SMYD1: variants seen among roughly 807,000 people sequenced by gnomAD.
The protein encoded by SMYD1 is SET and MYND domain containing 1.
Under a neutral mutation model 54.0 loss-of-function variants are expected in SMYD1, and 49 were observed. That is an observed-to-expected ratio of 0.91 (90% CI 0.72 to 1.15). The LOEUF is 1.15. Among genes scored for constraint, SMYD1 ranks in the 50% most tolerant of loss-of-function variants. The pLI is 0.00. For missense variants in SMYD1, 653 were observed against 639.6 expected, an observed-to-expected ratio of 1.02 and a Z score of -0.23; for synonymous variants, 269 against 234.2, an observed-to-expected ratio of 1.15 and a Z score of -1.36.
chr2:88,068,727 A>G (rs1673885905), intron 1 of SMYD1, among the ~76,000 whole-genome samples: 1 of 151,926 alleles, frequency 6.6e-6, no homozygotes, highest in Non-Finnish European at 1.5e-5. Context: ...TTAAATCTAT[A>G]GATACTTCTT....
chr2:88,099,870 G>A (rs62156971), intron 6 of SMYD1, among the ~76,000 whole-genome samples: 22 of 143,948 alleles, frequency 1.5e-4, no homozygotes, highest in Non-Finnish European at 2.9e-4. Flanking sequence ...CTCCTCCCGC[G>A]TTCATCTGGC....
intron 1 of SMYD1, among the ~76,000 whole-genome samples, chr2:88,068,557 G>A (rs1673880706): frequency 6.7e-6 from 1 of 150,212 alleles, no homozygotes; most frequent in African/African-American, 2.4e-5. Context: ...ATGTTCCTGT[G>A]CTATTACATA....
chr2:88,084,938 T>C (rs984472360), intron 2 of SMYD1, among the ~76,000 whole-genome samples: 2 of 152,006 alleles, frequency 1.3e-5, no homozygotes, highest in East Asian at 3.9e-4. Context: ...TTTTTAGAGA[T>C]GGGGTTTTAT....
Position 88,084,424 on chromosome 2 carries a change from T to G in SMYD1, c.246T>G (p.Ala82=). Residue 82 remains alanine (A), a synonymous_variant, in exon 2 of 10, where the codon GCT becomes GCG. Coordinates refer to ENST00000419482, the MANE Select transcript of SMYD1 (RefSeq NM_198274.4). Reference sequence around the variant, plus strand: ...GCGACCGCACCTGCCAGAAGGATGCTTGGCTGAACCACAAGAATGAATGTT... The same window carrying G: ...GCGACCGCACCTGCCAGAAGGATGCGTGGCTGAACCACAAGAATGAATGTT... ...HYCDRTCQKD[A]WLNHKNECSA... The G allele has an allele frequency of 6.2e-7, 1 of 1,608,298 alleles. No homozygotes were observed. The highest frequency in any genetic ancestry group is 8.5e-7 in the Non-Finnish European group (1 of 1,175,312).
At position 88,096,586 on chromosome 2, in the gene SMYD1, C is replaced by T; in HGVS notation, c.699-9C>T. On this transcript the variant is annotated splice_polypyrimidine_tract_variant and intron_variant, in intron 5 of 9. Transcript: ENST00000419482. ...ATTCGATTCACCTTTTCCTTTCACC[C>T]TGCTTCAGAATTGAGCTCCGGGCCC... 1 of 1,604,384 alleles carries T rather than the reference C, an allele frequency of 6.2e-7. No individual in the cohort carries two copies. The highest frequency in any genetic ancestry group is 8.5e-7 in the Non-Finnish European group (1 of 1,174,330).
chr2:88,108,443 TGGTAACATTGA>T lies in SMYD1; in HGVS notation c.1222_1232del (p.Asn408GlyfsTer24). ...GGGCAGGGCTGACCAACTGGCATGC[TGGTAACATTGA>T]GGTGGGGCACGGGATGATCTGCAAA... On this transcript the variant is annotated frameshift_variant, in exon 9 of 10. Coordinates refer to ENST00000419482, the MANE Select transcript of SMYD1 (RefSeq NM_198274.4). LOFTEE classifies it high-confidence loss of function. The T allele has an allele frequency of 6.2e-7, 1 of 1,613,076 alleles. No individual in the cohort carries two copies. The highest frequency in any genetic ancestry group is 8.5e-7 in the Non-Finnish European group (1 of 1,179,574).
intron 9 of SMYD1, among the ~76,000 whole-genome samples, 148 bp from the exon 10 acceptor site, chr2:88,110,200 AGTGTGT>A (rs3222709): frequency 2.9e-5 from 4 of 138,988 alleles, no homozygotes; most frequent in African/African-American, 1.1e-4. Flanking sequence ...TTGATGAATG[AGTGTGT>A]GTGTGTGTGT....
At chr2:88,108,910 TG>T (rs1415478247) in intron 9 of SMYD1, among the ~76,000 whole-genome samples, 1 of 151,944 alleles carries the variant, frequency 6.6e-6, no homozygotes, top group Non-Finnish European at 1.5e-5. Context: ...GAGGCAGAGG[TG>T]CCAGGCTTTT....
intron 7 of SMYD1, among the ~76,000 whole-genome samples, chr2:88,103,431 T>G (rs1363095587): frequency 6.6e-6 from 1 of 152,144 alleles, no homozygotes; most frequent in Admixed American, 6.5e-5. Context: ...CTGTGATAGC[T>G]AAACCTGGTA....
rs777596206 is a variant in SMYD1 at position 88,091,003 on chromosome 2, C to T, written c.529-9C>T. The T allele has an allele frequency of 1.2e-6, 2 of 1,610,792 alleles. No homozygotes were observed. The highest frequency in any genetic ancestry group is 2.2e-5 in the South Asian group (2 of 90,672). On this transcript the variant is annotated splice_polypyrimidine_tract_variant and intron_variant, in intron 3 of 9. Coordinates refer to ENST00000419482, the MANE Select transcript of SMYD1 (RefSeq NM_198274.4). Reference sequence around the variant, plus strand: ...GTCGACTGACTCTTTCATCTTTTCCCCTGGGTAGATTAACTGCAACGGTTT... The same window carrying T: ...GTCGACTGACTCTTTCATCTTTTCCTCTGGGTAGATTAACTGCAACGGTTT...
At chr2:88,078,591 TAA>T in intron 1 of SMYD1, among the ~76,000 whole-genome samples, 1 of 152,016 alleles carries the variant, frequency 6.6e-6, no homozygotes, top group African/African-American at 2.4e-5. Flanking sequence ...GGGACAGGCT[TAA>T]AAAAAATTTC....
At chr2:88,098,287 T>C (rs735679) in intron 6 of SMYD1, among the ~76,000 whole-genome samples, 17,257 of 152,264 alleles carry the variant, frequency 0.11, 1,073 homozygotes, top group Middle Eastern at 0.18. Flanking sequence ...TTTCTTTAGA[T>C]TTTTTGATGT....
chr2:88,067,873 A>G lies in SMYD1; in HGVS notation c.9A>G (p.Ile3Met). ...GCCTGACAGTCTCTGAGATGACAAT[A>G]GGGAGAATGGAGAACGTGGAGGTCT... MT[I>M]GRMENVEVFT... The change falls in exon 1 of 10, where the codon ATA becomes ATG. Residue 3 changes from isoleucine to methionine, a missense_variant. Physicochemically the swap from Ile to Met is conservative, Grantham distance 10. Transcript: ENST00000419482. 4 of 1,613,912 alleles carry G rather than the reference A, an allele frequency of 2.5e-6. No individual in the cohort carries two copies. Among genetic ancestry groups the G allele is most frequent in the Non-Finnish European group, 3.4e-6 (4 of 1,179,970 alleles).
In SMYD1 at chr2:88,110,234, T is replaced by TGTGTGTGTGTGTGG. The variant is rs35206605; in HGVS notation, c.1315-120_1315-119insGTGTGTGTGTGTGG. 91 of 1,021,492 alleles carry TGTGTGTGTGTGTGG rather than the reference T, an allele frequency of 8.9e-5. 1 individual carries two copies. In the African/African-American group the frequency reaches 1.3e-3, roughly 14 times the overall value. 63.3% of individuals were successfully genotyped at this position (1,021,492 alleles called of 1,614,324 possible). On this transcript the variant is annotated intron_variant, in intron 9 of 9. Transcript: ENST00000419482. ...GTGTGTGTGTGTGTGTGTGTGTGTG[T>TGTGTGTGTGTGTGG]ATTCTGAGGGGGTAGAGTTGAATCT...
chr2:88,073,560 T>G (rs1210802683), intron 1 of SMYD1, among the ~76,000 whole-genome samples: 1 of 152,242 alleles, frequency 6.6e-6, no homozygotes, highest in African/African-American at 2.4e-5. Context: ...TTCTTTTTCC[T>G]AGTAGATCTT....
At position 88,084,342 on chromosome 2, in the gene SMYD1, G is replaced by A. The variant is rs768002293; in HGVS notation, c.164G>A (p.Cys55Tyr). The A allele has an allele frequency of 1.3e-6, 2 of 1,579,234 alleles. No homozygotes were observed. The highest frequency in any genetic ancestry group is 1.7e-6 in the Non-Finnish European group (2 of 1,151,976). Reference sequence around the variant, plus strand: ...CTTGTTAATTTTGTGTGCCACACCTGCTTCAAGAGGCAGGAGAAGCTCCAT... The same window carrying A: ...CTTGTTAATTTTGTGTGCCACACCTACTTCAAGAGGCAGGAGAAGCTCCAT... ...DSLVNFVCHT[C>Y]FKRQEKLHRC... Residue 55 changes from cysteine to tyrosine, a missense_variant, in exon 2 of 10, where the codon TGC becomes TAC. Physicochemically the swap from Cys to Tyr is radical, Grantham distance 194 (BLOSUM62 -2). Transcript: ENST00000419482.
intron 1 of SMYD1, among the ~76,000 whole-genome samples, chr2:88,079,872 T>C (rs1023004817): frequency 6.6e-6 from 1 of 152,182 alleles, no homozygotes; most frequent in East Asian, 1.9e-4. Flanking sequence ...GTTACCACCA[T>C]GTACCAGCAA....
chr2:88,092,485 A>G (rs1674484710), intron 4 of SMYD1, among the ~76,000 whole-genome samples: 1 of 152,142 alleles, frequency 6.6e-6, no homozygotes, highest in African/African-American at 2.4e-5. Flanking sequence ...TTCCCCCAAA[A>G]ACTTCCTAGA....
At chr2:88,107,997 A>G (rs1209596577) in intron 8 of SMYD1, among the ~76,000 whole-genome samples, 1 of 152,228 alleles carries the variant, frequency 6.6e-6, no homozygotes, top group Non-Finnish European at 1.5e-5. Context: ...CTGGTACCTC[A>G]GTTGAAAATG....
Sources: gnomAD v4.1 joint callset for allele counts (sites outside exome capture counted in the v4.1 genomes callset) on GRCh38, gnomAD v4.1.1 for gene constraint, MANE v1.5 for transcripts, NCBI Gene and HGNC (gene_info 2026-07-23, HGNC 2026-07-21) for gene names.